PLCG2: variants seen among roughly 807,000 people sequenced by gnomAD.
PLCG2 encodes the protein phospholipase C gamma 2, also known as 1-phosphatidylinositol 4,5-bisphosphate phosphodiesterase gamma-2.
Under a neutral mutation model 175.6 loss-of-function variants are expected in PLCG2, and 69 were observed. That is an observed-to-expected ratio of 0.39 (90% CI 0.32 to 0.48). PLCG2 has a LOEUF of 0.48. PLCG2 is among the 20% of genes least tolerant of loss of function. The probability of loss-of-function intolerance (pLI) is 0.91; values close to 1 mark genes in which losing one functional copy is unlikely to be tolerated. For missense variants in PLCG2, 1,798 were observed against 1,650.9 expected (o/e 1.09, Z -1.54); for synonymous variants, 827 against 624.0 (o/e 1.33, Z -4.85).
chr16:81,908,936 G>C (rs1343737116), intron 17 of PLCG2, among the ~76,000 whole-genome samples: 1 of 152,240 alleles, frequency 6.6e-6, no homozygotes, highest in Non-Finnish European at 1.5e-5. Flanking sequence ...GCCCTGGAGT[G>C]GGTCATGTGG....
intron 2 of PLCG2, among the ~76,000 whole-genome samples, chr16:81,850,086 A>C (rs1369027705): frequency 6.6e-6 from 1 of 152,236 alleles, no homozygotes; most frequent in African/African-American, 2.4e-5. Context: ...GAGACTCCGT[A>C]GGATTGAAGA....
At chr16:81,859,249 C>G (rs1229287225) in intron 5 of PLCG2, 86 bp downstream of exon 5, 1 of 875,702 alleles carries the variant, frequency 1.1e-6, no homozygotes, top group Non-Finnish European at 1.9e-6. Flanking sequence ...GGGAGCATGA[C>G]TTGTCGGGAG....
At position 81,960,591 on chromosome 16, in the gene PLCG2, G is replaced by GTC. The variant is rs1911745728; in HGVS notation, c.*2594_*2595insCT. 1 of 231,714 alleles carries GTC rather than the reference G, an allele frequency of 4.3e-6. No homozygotes were observed. The highest frequency in any genetic ancestry group is 8.5e-6 in the Non-Finnish European group (1 of 117,096). 14.4% of individuals were successfully genotyped at this position (231,714 alleles called of 1,614,324 possible). A position where few individuals can be genotyped will look rare whatever the true frequency, so the allele number is the denominator to read the frequency against. On this transcript the variant is annotated 3_prime_UTR_variant, in exon 33 of 33. Coordinates refer to ENST00000564138, the MANE Select transcript of PLCG2 (RefSeq NM_002661.5). Reference sequence around the variant, plus strand: ...GAGACTAGATGTGCAGGAGTGAAAGGTGTAGAGGGTCTTGTTTTCCAAATT... The same window carrying GTC: ...GAGACTAGATGTGCAGGAGTGAAAGGTCTGTAGAGGGTCTTGTTTTCCAAATT...
chr16:81,856,745 G>A (rs1220502528), intron 3 of PLCG2, among the ~76,000 whole-genome samples: 1 of 152,174 alleles, frequency 6.6e-6, no homozygotes, highest in Non-Finnish European at 1.5e-5. Flanking sequence ...GGGAACTTGT[G>A]AATATATTAT....
chr16:81,869,141 C>A (rs41301799), intron 5 of PLCG2, 73 bp from the exon 6 acceptor site: 1 of 1,118,202 alleles, frequency 8.9e-7, no homozygotes, highest in Admixed American at 1.7e-5. Context: ...GAGGTGGGAA[C>A]TGATGGGAGC....
chr16:81,948,144 A>G (rs1006291368), intron 31 of PLCG2, among the ~76,000 whole-genome samples: 1 of 135,698 alleles, frequency 7.4e-6, no homozygotes, highest in African/African-American at 2.5e-5. Flanking sequence ...TCCCAAGGCT[A>G]GATATTTAGC....
chr16:81,884,172 G>GA (rs1908236190), intron 9 of PLCG2, among the ~76,000 whole-genome samples: 1 of 152,182 alleles, frequency 6.6e-6, no homozygotes, highest in Admixed American at 6.5e-5. Flanking sequence ...CCAACATGGT[G>GA]AAACCCCATC....
intron 13 of PLCG2, chr16:81,897,939 C>A: frequency 2.2e-6 from 1 of 448,480 alleles, no homozygotes; most frequent in Non-Finnish European, 4.5e-6. Flanking sequence ...TCTTTTCGCA[C>A]TTGGTGAAAA....
At position 81,874,962 on chromosome 16, in the gene PLCG2, T is replaced by TGTTCTTTTTTTTTTA. The variant is rs1567510348; in HGVS notation, c.648+4027_648+4028insGTTCTTTTTTTTTTA. On this transcript the variant is annotated intron_variant, in intron 7 of 32. Coordinates refer to ENST00000564138, the MANE Select transcript of PLCG2 (RefSeq NM_002661.5). ...CTATCCTATGTGTTTTTTTTTTTTTTTTTTTTTTTTTTTTTATTTGAGACA... is the reference window on the plus strand; with the variant it reads ...CTATCCTATGTGTTTTTTTTTTTTTTGTTCTTTTTTTTTTATTTTTTTTTTTTTTTATTTGAGACA... 1.5e-5 allele frequency among the ~76,000 whole-genome samples: 2 copies of TGTTCTTTTTTTTTTA among 134,448 alleles called. 1 individual carries two copies. Among genetic ancestry groups the TGTTCTTTTTTTTTTA allele is most frequent in the African/African-American group, 5.4e-5 (2 of 36,868 alleles). 88.2% of individuals were successfully genotyped at this position (134,448 alleles called of 152,430 possible).
At chr16:81,778,027 A>AAC (rs760893824), upstream of PLCG2, among the ~76,000 whole-genome samples, 1,005 of 83,292 alleles carry the variant, frequency 0.012, 33 homozygotes, top group African/African-American at 0.047. Flanking sequence ...AAAAAAAAAA[A>AAC]AAAACAAAAA....
rs16956085 is a variant in PLCG2 at position 81,950,306 on chromosome 16, C to A, written c.3570+4043C>A. 7.5e-3 allele frequency among the ~76,000 whole-genome samples: 1,146 copies of A among 152,186 alleles called. 21 individuals carry two copies. Among genetic ancestry groups the A allele is most frequent in the African/African-American group, 0.027 (1,105 of 41,542 alleles). On this transcript the variant is annotated intron_variant, in intron 31 of 32. Coordinates refer to ENST00000564138, the MANE Select transcript of PLCG2 (RefSeq NM_002661.5). ...AAAGTTAACATCAATCTAGAATTTA[C>A]GATCAGAAGTACTACAGTGTATTAA...
At chr16:81,900,371 A>C (rs980631564) in intron 13 of PLCG2, among the ~76,000 whole-genome samples, 1 of 152,198 alleles carries the variant, frequency 6.6e-6, no homozygotes, top group Non-Finnish European at 1.5e-5. Context: ...ATACAGAGAA[A>C]AGGTGCATTC....
chr16:81,892,940 G>T (rs1202776005), intron 11 of PLCG2, among the ~76,000 whole-genome samples: 2 of 151,194 alleles, frequency 1.3e-5, no homozygotes, highest in African/African-American at 4.9e-5. Flanking sequence ...CGCTTTCCCG[G>T]TTCAACAGAT....
intron 2 of PLCG2, among the ~76,000 whole-genome samples, chr16:81,844,244 C>T (rs182406493): frequency 0.035 from 5,254 of 151,230 alleles, 137 homozygotes; most frequent in Non-Finnish European, 0.053. Flanking sequence ...CCACCCGCCT[C>T]GGCCTCCCAA....
chr16:81,762,876 AG>A (rs1910069855), intron 2 of PLCG2, among the ~76,000 whole-genome samples: 2 of 152,146 alleles, frequency 1.3e-5, no homozygotes, highest in Non-Finnish European at 2.9e-5. Flanking sequence ...TCAGCAACAT[AG>A]TGAAACCTCA....
chr16:81,823,674 C>A (rs1299540804), intron 2 of PLCG2, among the ~76,000 whole-genome samples: 1 of 150,324 alleles, frequency 6.7e-6, no homozygotes, highest in African/African-American at 2.5e-5. Flanking sequence ...TACAGATGTG[C>A]ACCACCATGC....
intron 2 of PLCG2, among the ~76,000 whole-genome samples, chr16:81,805,433 A>G (rs1911954388): frequency 6.9e-6 from 1 of 145,626 alleles, no homozygotes; most frequent in Admixed American, 7.0e-5. Flanking sequence ...CAGGAGGTGG[A>G]GCTTGCAGTG....
chr16:81,824,771 A>T (rs1368860193), intron 2 of PLCG2, among the ~76,000 whole-genome samples: 9 of 151,458 alleles, frequency 5.9e-5, no homozygotes, highest in Admixed American at 2.0e-4. Flanking sequence ...CCCTGCACAT[A>T]CCCCCAAAGG....
At chr16:81,957,439 C>T (rs1028142765) in intron 32 of PLCG2, among the ~76,000 whole-genome samples, 2 of 152,190 alleles carry the variant, frequency 1.3e-5, no homozygotes, top group Non-Finnish European at 2.9e-5. Context: ...AAGGACACTT[C>T]AATTTAATAG....
Sources: allele counts gnomAD v4.1 joint callset (sites outside exome capture counted in the v4.1 genomes callset), GRCh38; gene constraint gnomAD v4.1.1; transcripts MANE v1.5; gene names NCBI Gene and HGNC (gene_info 2026-07-23, HGNC 2026-07-21).